Variants in MAD1L1 observed in about 807,000 individuals in gnomAD.
MAD1L1 encodes mitotic arrest deficient 1 like 1, also known as mitotic spindle assembly checkpoint protein MAD1.
Under a neutral mutation model 96.9 loss-of-function variants are expected in MAD1L1, and 95 were observed. That is an observed-to-expected ratio of 0.98 (90% CI 0.83 to 1.16). MAD1L1 has a LOEUF of 1.16. Ranked by LOEUF, MAD1L1 falls within the 50% of genes most tolerant of loss-of-function variation. The pLI, the probability that MAD1L1 is intolerant of heterozygous loss-of-function variation, is 0.00. For synonymous variants in MAD1L1, 473 were observed against 396.6 expected (o/e 1.19, Z -2.29); for missense variants, 1,007 against 954.4 (o/e 1.06, Z -0.73).
chr7:2,109,232 G>A (rs1787252206), intron 11 of MAD1L1, among the ~76,000 whole-genome samples: 1 of 152,178 alleles, frequency 6.6e-6, no homozygotes, highest in Non-Finnish European at 1.5e-5. Flanking sequence ...TCAATTACAT[G>A]CAACTTCCCC....
intron 3 of MAD1L1, among the ~76,000 whole-genome samples, chr7:2,228,490 T>G (rs569911492): frequency 1.2e-4 from 19 of 152,190 alleles, no homozygotes; most frequent in Non-Finnish European, 2.4e-4. Context: ...TGACCTCAAG[T>G]GATCCAGCCA....
Position 2,146,879 on chromosome 7 carries a change from G to C in MAD1L1, c.1073+2273C>G, listed in dbSNP as rs371924137. 6.6e-6 allele frequency among the ~76,000 whole-genome samples: 1 copy of C among 152,168 alleles called. No individual in the cohort carries two copies. The highest frequency in any genetic ancestry group is 2.1e-4 in the South Asian group (1 of 4,830). ...CAGGCCGCGACGAACACGGTGTCCC[G>C]CCACGGAAGAGAGCAGCAGCCCAGA... is the stretch of plus-strand genomic sequence containing the variant. On this transcript the variant is annotated intron_variant, in intron 11 of 18. Transcript: ENST00000265854. The surrounding 1 kb of genome is among the most constrained non-coding windows in gnomAD (Gnocchi z 6.2).
At chr7:1,894,398 T>C (rs2128439823) in intron 18 of MAD1L1, among the ~76,000 whole-genome samples, 1 of 152,274 alleles carries the variant, frequency 6.6e-6, no homozygotes, top group Middle Eastern at 3.4e-3. Context: ...GCAGAGCTAG[T>C]CACAGCTCTG....
chr7:2,005,008 C>G lies in MAD1L1; in HGVS notation c.1360-2887G>C, dbSNP rs370544011. On this transcript the variant is annotated intron_variant, in intron 13 of 18. Coordinates refer to ENST00000265854, the MANE Select transcript of MAD1L1 (RefSeq NM_001013836.2). ...TGAACTCAGACTCGCGCACTGGTCTCGGGTACCTGGGCAGGGCCTGCTTGG... is the reference window on the plus strand; with the variant it reads ...TGAACTCAGACTCGCGCACTGGTCTGGGGTACCTGGGCAGGGCCTGCTTGG... 1.4e-4 allele frequency among the ~76,000 whole-genome samples: 21 copies of G among 152,318 alleles called. 1 individual carries two copies. The highest frequency in any genetic ancestry group is 4.8e-4 in the African/African-American group (20 of 41,570).
intron 18 of MAD1L1, among the ~76,000 whole-genome samples, chr7:1,852,673 C>G (rs11764337): frequency 6.6e-6 from 1 of 151,976 alleles, no homozygotes; most frequent in Non-Finnish European, 1.5e-5. Flanking sequence ...TAATAAAAAG[C>G]TTTGCGAGAT....
At chr7:2,140,777 C>T (rs1407302665) in intron 11 of MAD1L1, among the ~76,000 whole-genome samples, 1 of 152,260 alleles carries the variant, frequency 6.6e-6, no homozygotes, top group African/African-American at 2.4e-5. Context: ...GACCCACTGG[C>T]TTCTGGAACA....
At chr7:2,194,806 G>A (rs1376144728) in intron 10 of MAD1L1, among the ~76,000 whole-genome samples, 1 of 152,154 alleles carries the variant, frequency 6.6e-6, no homozygotes, top group African/African-American at 2.4e-5. Flanking sequence ...GGACGCAGTG[G>A]CTCATACTGA....
chr7:1,892,778 G>A (rs1045207110), intron 18 of MAD1L1, among the ~76,000 whole-genome samples: 3 of 152,284 alleles, frequency 2.0e-5, no homozygotes, highest in Middle Eastern at 3.4e-3. Flanking sequence ...CCTCTGAGCC[G>A]GGGAAGGCCC....
At chr7:1,824,900 G>A (rs1405009537) in intron 18 of MAD1L1, among the ~76,000 whole-genome samples, 4 of 151,984 alleles carry the variant, frequency 2.6e-5, no homozygotes, top group East Asian at 3.9e-4. Context: ...AGCGTCCGCC[G>A]AGAGTCAGCC....
chr7:1,973,531 C>T (rs953714902), intron 15 of MAD1L1, among the ~76,000 whole-genome samples: 6 of 151,980 alleles, frequency 3.9e-5, no homozygotes, highest in Non-Finnish European at 8.8e-5. Context: ...TACCTGCTCA[C>T]GAGGGCCGCA....
chr7:2,145,084 C>T (rs1321194023), intron 11 of MAD1L1, among the ~76,000 whole-genome samples: 1 of 152,190 alleles, frequency 6.6e-6, no homozygotes, highest in Non-Finnish European at 1.5e-5. Flanking sequence ...GCCCTGTAGG[C>T]TGCCCCGCTG....
chr7:2,169,878 G>A (rs561840736), intron 10 of MAD1L1, among the ~76,000 whole-genome samples: 1 of 129,760 alleles, frequency 7.7e-6, no homozygotes, highest in Admixed American at 7.9e-5. Context: ...CCACAGTCTG[G>A]GTGGAGGGGT....
intron 10 of MAD1L1, among the ~76,000 whole-genome samples, chr7:2,155,391 G>C (rs1196066737): frequency 6.6e-6 from 1 of 152,124 alleles, no homozygotes; most frequent in East Asian, 1.9e-4. Flanking sequence ...TCATGTTATT[G>C]GGCAACCAGC....
At chr7:2,030,204 G>A (rs990845125) in intron 12 of MAD1L1, among the ~76,000 whole-genome samples, 18 of 152,294 alleles carry the variant, frequency 1.2e-4, no homozygotes, top group South Asian at 8.3e-4. Context: ...GCCCCGCCCC[G>A]CGCTCCACGG....
intron 10 of MAD1L1, 136 bp downstream of exon 10, chr7:2,213,076 G>T (rs190780626): frequency 5.0e-5 from 42 of 845,790 alleles, no homozygotes; most frequent in East Asian, 3.4e-4. Flanking sequence ...AACCTGAGCA[G>T]CCCAGGACAA....
intron 11 of MAD1L1, among the ~76,000 whole-genome samples, chr7:2,094,207 C>T (rs1442287396): frequency 6.6e-6 from 1 of 152,164 alleles, no homozygotes; most frequent in Non-Finnish European, 1.5e-5. Flanking sequence ...TGAGCAGGGA[C>T]CCACCCATGG....
chr7:2,098,226 C>A (rs541822467), intron 11 of MAD1L1, among the ~76,000 whole-genome samples: 9 of 152,222 alleles, frequency 5.9e-5, no homozygotes, highest in Non-Finnish European at 1.0e-4. Context: ...CTGCACAGCG[C>A]CGTCCTCTGC....
intron 11 of MAD1L1, among the ~76,000 whole-genome samples, chr7:2,072,434 C>T (rs979795326): frequency 3.9e-5 from 6 of 152,198 alleles, no homozygotes; most frequent in Admixed American, 2.0e-4. Flanking sequence ...CCCCTCCAGG[C>T]GCTCCATAAC....
chr7:2,102,127 A>G lies in MAD1L1; in HGVS notation c.1074-32789T>C, dbSNP rs142773319. The stretch of plus-strand genomic sequence containing the variant: ...ACCAGTCACAGGGCAGACTCTCAAC[A>G]GATGCCAAGTCCTGCCACTGCACCC... On this transcript the variant is annotated intron_variant, in intron 11 of 18. Transcript: ENST00000265854. 2.0e-5 allele frequency among the ~76,000 whole-genome samples: 3 copies of G among 152,120 alleles called. No individual in the cohort carries two copies. The East Asian group carries it at 5.8e-4, about 29-fold the overall frequency.
Sources: gnomAD v4.1 joint callset for allele counts (sites outside exome capture counted in the v4.1 genomes callset) on GRCh38, gnomAD v4.1.1 for gene constraint, Gnocchi (gnomAD v3.1) non-coding constraint, MANE v1.5 for transcripts, NCBI Gene and HGNC (gene_info 2026-07-23, HGNC 2026-07-21) for gene names.